MTCL3: variants seen among roughly 807,000 people sequenced by gnomAD.
MTCL3 encodes MTCL family member 3, also known as microtubule cross-linking factor 3.
the MTCL3 span, chr6:127,476,038 A>G: frequency 6.8e-6 from 11 of 1,612,078 alleles, no homozygotes; most frequent in Non-Finnish European, 9.3e-6. This position sits in a 1 kb window ranked among gnomAD's most constrained non-coding sequence, Gnocchi z 4.4. Flanking sequence ...CAGGTCGGCC[A>G]CGTTCCTCCG....
At chr6:127,509,660 A>G in the MTCL3 span, among the ~76,000 whole-genome samples, 1 of 152,232 alleles carries the variant, frequency 6.6e-6, no homozygotes, top group Admixed American at 6.5e-5. Flanking sequence ...ATGACAATTC[A>G]TCACTCACCA....
At chr6:127,499,689 T>C in the MTCL3 span, among the ~76,000 whole-genome samples, 1 of 152,186 alleles carries the variant, frequency 6.6e-6, no homozygotes, top group South Asian at 2.1e-4. Flanking sequence ...GCTACCCAGA[T>C]TCATGCTTGC....
the MTCL3 span, chr6:127,515,110 G>A: frequency 4.3e-6 from 6 of 1,382,624 alleles, 1 homozygote; most frequent in South Asian, 4.6e-5. This position sits in a 1 kb window ranked among gnomAD's most constrained non-coding sequence, Gnocchi z 4.3. Flanking sequence ...GACACACACC[G>A]TACACACCCC....
the MTCL3 span, among the ~76,000 whole-genome samples, chr6:127,480,850 C>T: frequency 1.3e-5 from 2 of 152,110 alleles, no homozygotes; most frequent in Admixed American, 1.3e-4. Context: ...TTGAGATATC[C>T]CATCAGAGAT....
the MTCL3 span, among the ~76,000 whole-genome samples, chr6:127,496,505 A>G: frequency 1.3e-5 from 2 of 152,366 alleles, no homozygotes; most frequent in South Asian, 2.1e-4. Context: ...AATGAAAACT[A>G]GAAATCCTGT....
chr6:127,510,286 A>T, the MTCL3 span, among the ~76,000 whole-genome samples: 4 of 152,214 alleles, frequency 2.6e-5, no homozygotes, highest in African/African-American at 7.2e-5. Context: ...ATATATACCC[A>T]CACTGCTTGG....
chr6:127,493,160 A>G, the MTCL3 span, among the ~76,000 whole-genome samples: 1 of 152,202 alleles, frequency 6.6e-6, no homozygotes, highest in Admixed American at 6.5e-5. Context: ...TAGTTTTCCT[A>G]GGCAAGAGAA....
At chr6:127,516,414 G>T in the MTCL3 span, 3 of 1,600,518 alleles carry the variant, frequency 1.9e-6, no homozygotes, top group Non-Finnish European at 2.5e-6. Flanking sequence ...GAACAGAATT[G>T]AGTTTAGTGC....
chr6:127,488,105 AG>A, the MTCL3 span, among the ~76,000 whole-genome samples: 2 of 152,040 alleles, frequency 1.3e-5, no homozygotes, highest in African/African-American at 4.8e-5. Flanking sequence ...CTAGTGTCAC[AG>A]GCATCCTTGC....
chr6:127,504,666 G>C, the MTCL3 span, among the ~76,000 whole-genome samples: 4 of 152,084 alleles, frequency 2.6e-5, no homozygotes, highest in African/African-American at 4.8e-5. Context: ...AAGGGATTGA[G>C]GTTAATTGAG....
chr6:127,489,448 C>G, the MTCL3 span, among the ~76,000 whole-genome samples: 1 of 152,158 alleles, frequency 6.6e-6, no homozygotes, highest in Non-Finnish European at 1.5e-5. Flanking sequence ...AGCTTGGTGA[C>G]GTAGGCATGT....
chr6:127,486,008 A>G, the MTCL3 span, among the ~76,000 whole-genome samples: 1 of 152,194 alleles, frequency 6.6e-6, no homozygotes, highest in African/African-American at 2.4e-5. Context: ...CCTGAAAAGA[A>G]GTGATGGAGG....
At chr6:127,511,680 C>T in the MTCL3 span, among the ~76,000 whole-genome samples, 1 of 152,170 alleles carries the variant, frequency 6.6e-6, no homozygotes, top group Non-Finnish European at 1.5e-5. Context: ...CGACTCCTAG[C>T]TAGTAGCCAA....
chr6:127,518,241 C>A, the MTCL3 span, among the ~76,000 whole-genome samples: 1 of 152,362 alleles, frequency 6.6e-6, no homozygotes, highest in African/African-American at 2.4e-5. Flanking sequence ...ATCTAACTAA[C>A]TTATATTGCC....
the MTCL3 span, chr6:127,515,716 C>G: frequency 1.9e-6 from 3 of 1,585,080 alleles, no homozygotes; most frequent in Non-Finnish European, 2.6e-6. The surrounding 1 kb of genome is among the most constrained non-coding windows in gnomAD (Gnocchi z 4.3). Flanking sequence ...CAGGGTCTCG[C>G]AAACGGCAGG....
At chr6:127,514,711 C>T in the MTCL3 span, 1 of 794,140 alleles carries the variant, frequency 1.3e-6, no homozygotes, top group Non-Finnish European at 2.0e-6. Flanking sequence ...GAAACTGTGT[C>T]CCTAAGGCTC....
At chr6:127,517,055 G>T in the MTCL3 span, among the ~76,000 whole-genome samples, 6 of 152,168 alleles carry the variant, frequency 3.9e-5, no homozygotes, top group Non-Finnish European at 7.4e-5. Context: ...AGAAAGAAAA[G>T]ATATCCATAT....
chr6:127,504,930 G>T, the MTCL3 span, among the ~76,000 whole-genome samples: 1 of 152,196 alleles, frequency 6.6e-6, no homozygotes, highest in Non-Finnish European at 1.5e-5. Context: ...AGCAGGGGCA[G>T]ATTTCATTCT....
chr6:127,499,547 C>G, the MTCL3 span, among the ~76,000 whole-genome samples: 9 of 152,164 alleles, frequency 5.9e-5, no homozygotes, highest in African/African-American at 2.2e-4. Context: ...TACAAGAAAG[C>G]TTTTCTGAAA....
Sources: gnomAD v4.1 joint callset for allele counts (sites outside exome capture counted in the v4.1 genomes callset) on GRCh38, gnomAD v4.1.1 for gene constraint, Gnocchi (gnomAD v3.1) non-coding constraint, MANE v1.5 for transcripts, NCBI Gene and HGNC (gene_info 2026-07-23, HGNC 2026-07-21) for gene names.